The following PRKCD variants were observed in gnomAD, a reference collection of about 807,000 sequenced individuals.
PRKCD encodes protein kinase C delta, also known as protein kinase C delta type.
In PRKCD, 20 loss-of-function variants were observed where a neutral mutation model predicts 82.2. The ratio of observed to expected loss-of-function variants is 0.24; its 90% CI spans 0.17 to 0.35. The LOEUF (loss-of-function observed/expected upper bound fraction) is 0.35. PRKCD is among the 10% of genes least tolerant of loss of function. The probability of loss-of-function intolerance (pLI) is 1.00; values close to 1 mark genes in which losing one functional copy is unlikely to be tolerated. For missense variants in PRKCD, 607 were observed against 899.0 expected (o/e 0.68, Z 4.15); for synonymous variants, 317 against 337.0 (o/e 0.94, Z 0.65).
At chr3:53,186,434 C>T (rs930916760) in intron 13 of PRKCD, 94 bp downstream of exon 13, 1 of 1,499,162 alleles carries the variant, frequency 6.7e-7, no homozygotes, top group Non-Finnish European at 9.2e-7. Context: ...CCCCTTCAGG[C>T]CACTTAAGGC....
chr3:53,180,951 A>G (rs1332650285), intron 4 of PRKCD, among the ~76,000 whole-genome samples: 4 of 147,764 alleles, frequency 2.7e-5, no homozygotes, highest in Non-Finnish European at 6.0e-5. Flanking sequence ...TTCCCCAGCT[A>G]TGTGTCTGGG....
At chr3:53,187,231 G>A (rs1703738388) in intron 14 of PRKCD, 109 bp from the exon 15 acceptor site, 1 of 1,201,570 alleles carries the variant, frequency 8.3e-7, no homozygotes, top group Non-Finnish European at 1.2e-6. Context: ...GTGGTCCATG[G>A]AGTTATTTGC....
intron 16 of PRKCD, 22 bp downstream of exon 16, chr3:53,188,880 C>T (rs1703813861): frequency 1.9e-6 from 3 of 1,612,904 alleles, no homozygotes; most frequent in Admixed American, 3.3e-5. Context: ...CCCTTCCAGC[C>T]CCCCGCTCAG....
Position 53,162,270 on chromosome 3 carries a change from C to CG in PRKCD, c.-132+853dup, listed in dbSNP as rs550105739. Among the ~76,000 whole-genome samples the CG allele has an allele frequency of 4.4e-3, 654 of 147,924 alleles. 2 individuals are homozygous for CG. Among genetic ancestry groups the CG allele is most frequent in the African/African-American group, 0.01 (415 of 39,734 alleles). On this transcript the variant is annotated intron_variant, in intron 1 of 18. Transcript: ENST00000330452. ...GCTCCACCAGATGAGGGGAGGAGGTCGGGGGGGGGGGTCCTCCTGGCTGGT... is the reference window on the plus strand; with the variant it reads ...GCTCCACCAGATGAGGGGAGGAGGTCGGGGGGGGGGGGTCCTCCTGGCTGGT...
chr3:53,191,844 G>T (rs1456153809), intron 18 of PRKCD, among the ~76,000 whole-genome samples: 1 of 152,168 alleles, frequency 6.6e-6, no homozygotes, highest in African/African-American at 2.4e-5. Flanking sequence ...AGCCTCCCTG[G>T]GCTGTGATTC....
chr3:53,170,278 GT>G (rs1486466629), intron 2 of PRKCD, among the ~76,000 whole-genome samples: 1 of 152,240 alleles, frequency 6.6e-6, no homozygotes, highest in Non-Finnish European at 1.5e-5. Context: ...AGAGCTGGAA[GT>G]TCTCTCCCCA....
intron 2 of PRKCD, among the ~76,000 whole-genome samples, chr3:53,173,834 G>C (rs1427376922): frequency 6.6e-6 from 1 of 152,162 alleles, no homozygotes; most frequent in African/African-American, 2.4e-5. Flanking sequence ...CACGGGGGAA[G>C]ACCACTGGTC....
chr3:53,181,894 C>T (rs1185512379), intron 7 of PRKCD, 162 bp downstream of exon 7: 1 of 1,063,662 alleles, frequency 9.4e-7, no homozygotes, highest in African/African-American at 1.6e-5. Flanking sequence ...CTGGGGCTGG[C>T]TTGCTGCTGC....
Position 53,186,706 on chromosome 3 carries a change from G to C in PRKCD, c.1352+11G>C. On this transcript the variant is annotated intron_variant, in intron 14 of 18. Coordinates refer to ENST00000330452, the MANE Select transcript of PRKCD (RefSeq NM_006254.4). ...ACTCTACCGTGCCACGTACGTAAGGGCCATGGTGGGGAAGGGCCCAGTGTG... is the reference window on the plus strand; with the variant it reads ...ACTCTACCGTGCCACGTACGTAAGGCCCATGGTGGGGAAGGGCCCAGTGTG... 6.2e-7 allele frequency: 1 copy of C among 1,609,066 alleles called. No homozygotes were observed. The highest frequency in any genetic ancestry group is 8.5e-7 in the Non-Finnish European group (1 of 1,176,234).
intron 4 of PRKCD, among the ~76,000 whole-genome samples, 180 bp downstream of exon 4, chr3:53,179,956 G>A (rs1370628796): frequency 6.6e-6 from 1 of 152,164 alleles, no homozygotes; most frequent in Non-Finnish European, 1.5e-5. Context: ...TGTGAATCCT[G>A]GCTCTGCAAT....
At chr3:53,167,751 ATTATCTGATGGGCTGGGCACTGGCCCAG>A (rs1314925199) in intron 2 of PRKCD, among the ~76,000 whole-genome samples, 1 of 152,216 alleles carries the variant, frequency 6.6e-6, no homozygotes, top group Non-Finnish European at 1.5e-5. Flanking sequence ...AGGGGGTATT[ATTATCTGATGGGCTGGGCACTGGCCCAG>A]TGTTACATGG....
intron 1 of PRKCD, among the ~76,000 whole-genome samples, chr3:53,163,624 C>T (rs11924565): frequency 0.86 from 130,710 of 152,154 alleles, 56,323 homozygotes; most frequent in Middle Eastern, 0.89. Flanking sequence ...GTTAAAGGTC[C>T]TTTAACACAA....
chr3:53,188,655 T>TG, intron 15 of PRKCD, 65 bp from the exon 16 acceptor site: 1 of 1,595,752 alleles, frequency 6.3e-7, no homozygotes, highest in Admixed American at 1.7e-5. Context: ...AATTAGGACA[T>TG]GGGGGGCAGG....
At position 53,192,392 on chromosome 3, in the gene PRKCD, C is replaced by T. The variant is rs947623290; in HGVS notation, c.*126C>T. 2 of 1,183,182 alleles carry T rather than the reference C, an allele frequency of 1.7e-6. No individual in the cohort carries two copies. The highest frequency in any genetic ancestry group is 2.4e-6 in the Non-Finnish European group (2 of 826,724). The allele number at this position is 1,183,182 out of a possible 1,614,324, so 73.3% of individuals were successfully genotyped here. A position where few individuals can be genotyped will look rare whatever the true frequency, so the allele number is the denominator to read the frequency against. On this transcript the variant is annotated 3_prime_UTR_variant, in exon 19 of 19. Transcript: ENST00000330452. The stretch of plus-strand genomic sequence containing the variant: ...GCCCCTGCCCCCAGAGCGTCCTTGG[C>T]TGCCGTCTGGCCGGGCTCTCATGGT...
chr3:53,161,415 C>T lies in PRKCD; in HGVS notation c.-145C>T, dbSNP rs1702651485. 1.3e-5 allele frequency: 2 copies of T among 151,698 alleles called. No homozygotes were observed. Among genetic ancestry groups the T allele is most frequent in the Admixed American group, 1.3e-4 (2 of 15,240 alleles). The allele number at this position is 151,698 out of a possible 1,614,324, so 9.4% of individuals were successfully genotyped here. A position where few individuals can be genotyped will look rare whatever the true frequency, so the allele number is the denominator to read the frequency against. On this transcript the variant is annotated 5_prime_UTR_variant, in exon 1 of 19. Transcript: ENST00000330452. ...TGCCGCCGCGACCCTTGGCGCCTGC[C>T]CCTGCAACGGGAGGTAAGTGAGGGC...
chr3:53,168,905 A>G (rs1553664351), intron 2 of PRKCD, among the ~76,000 whole-genome samples: 1 of 148,542 alleles, frequency 6.7e-6, no homozygotes, highest in Non-Finnish European at 1.5e-5. Context: ...CAGAGGGGCA[A>G]TGGGAGGCAC....
chr3:53,185,333 A>G (rs2107274571), intron 10 of PRKCD, among the ~76,000 whole-genome samples: 1 of 152,324 alleles, frequency 6.6e-6, no homozygotes, highest in African/African-American at 2.4e-5. Context: ...CTAAATAGTC[A>G]AATAAAATCT....
intron 2 of PRKCD, among the ~76,000 whole-genome samples, chr3:53,167,335 G>A (rs1482968548): frequency 2.0e-5 from 3 of 152,328 alleles, no homozygotes; most frequent in Middle Eastern, 3.4e-3. Context: ...TAGGAGAAGG[G>A]CAGGGGGCAG....
In PRKCD at chr3:53,178,543, C is replaced by G; in HGVS notation, c.115+6C>G. On this transcript the variant is annotated splice_donor_region_variant and intron_variant, in intron 3 of 18. Transcript: ENST00000330452. ...GAAGGAGGCGCTCAGCACAGGTAGG[C>G]CTGGAGGCTGGACCCTGGAGAGGGG... is the stretch of plus-strand genomic sequence containing the variant. 6.2e-7 allele frequency: 1 copy of G among 1,610,528 alleles called. No homozygotes were observed. Among genetic ancestry groups the G allele is most frequent in the Non-Finnish European group, 8.5e-7 (1 of 1,178,422 alleles).
Sources: allele counts gnomAD v4.1 joint callset (sites outside exome capture counted in the v4.1 genomes callset), GRCh38; gene constraint gnomAD v4.1.1; transcripts MANE v1.5; gene names NCBI Gene and HGNC (gene_info 2026-07-23, HGNC 2026-07-21).